The following GRID2 variants were observed in gnomAD, a reference collection of about 807,000 sequenced individuals.
GRID2 encodes glutamate ionotropic receptor delta type subunit 2.
In GRID2, 33 loss-of-function variants were observed where a neutral mutation model predicts 114.8. That is an observed-to-expected ratio of 0.29 (90% CI 0.22 to 0.38). GRID2 has a LOEUF of 0.38. Among genes scored for constraint, GRID2 ranks in the 10% least tolerant of loss-of-function variants. The probability of loss-of-function intolerance (pLI) is 1.00; values close to 1 mark genes in which losing one functional copy is unlikely to be tolerated. For synonymous variants in GRID2, 505 were observed against 449.9 expected (o/e 1.12, Z -1.55); for missense variants, 1,184 against 1,257.7 (o/e 0.94, Z 0.89).
chr4:93,222,766 T>G (rs993796451), intron 6 of GRID2, among the ~76,000 whole-genome samples: 5 of 152,104 alleles, frequency 3.3e-5, no homozygotes, highest in African/African-American at 1.2e-4. Flanking sequence ...GTTTCCAGCT[T>G]CATCCATGTC....
intron 2 of GRID2, among the ~76,000 whole-genome samples, chr4:92,837,369 C>A (rs61074483): frequency 6.6e-6 from 1 of 151,592 alleles, no homozygotes; most frequent in Non-Finnish European, 1.5e-5. Context: ...AACAAGTCTC[C>A]GTGAAACTAT....
At chr4:93,704,415 G>C (rs1727807250) in intron 14 of GRID2, among the ~76,000 whole-genome samples, 1 of 152,024 alleles carries the variant, frequency 6.6e-6, no homozygotes, top group Non-Finnish European at 1.5e-5. Flanking sequence ...CAGATGAGTA[G>C]GTTGCAAAAA....
intron 2 of GRID2, among the ~76,000 whole-genome samples, chr4:92,797,574 C>T (rs927296962): frequency 2.0e-5 from 3 of 151,866 alleles, no homozygotes; most frequent in African/African-American, 7.2e-5. Context: ...GATTTGCATA[C>T]ACTTTTAAGT....
chr4:93,130,505 GA>G (rs1476941013), intron 4 of GRID2, among the ~76,000 whole-genome samples: 11 of 151,992 alleles, frequency 7.2e-5, no homozygotes, highest in African/African-American at 2.7e-4. Flanking sequence ...TACTATGAAA[GA>G]GAAAATTTCA....
chr4:92,653,455 A>G (rs1044320040), intron 2 of GRID2, among the ~76,000 whole-genome samples: 12 of 151,848 alleles, frequency 7.9e-5, no homozygotes, highest in African/African-American at 2.9e-4. Context: ...ATCATGAAAT[A>G]TGGTAAACTT....
intron 13 of GRID2, among the ~76,000 whole-genome samples, chr4:93,536,137 G>C (rs1732045576): frequency 6.6e-6 from 1 of 151,842 alleles, no homozygotes; most frequent in South Asian, 2.1e-4. Flanking sequence ...TACCCAGAGG[G>C]ATCTATAGAT....
chr4:92,410,485 C>T (rs1731247290), intron 1 of GRID2, among the ~76,000 whole-genome samples: 1 of 152,184 alleles, frequency 6.6e-6, no homozygotes, highest in African/African-American at 2.4e-5. Context: ...CCATTCTGTG[C>T]ATTGGCAAGA....
chr4:92,646,715 G>A (rs1731649897), intron 2 of GRID2, among the ~76,000 whole-genome samples: 1 of 152,216 alleles, frequency 6.6e-6, no homozygotes, highest in Non-Finnish European at 1.5e-5. Context: ...TTTTCATGGT[G>A]TCTATTCAAT....
At chr4:93,731,143 A>T (rs1047412818) in intron 14 of GRID2, among the ~76,000 whole-genome samples, 8 of 152,218 alleles carry the variant, frequency 5.3e-5, no homozygotes, top group African/African-American at 1.9e-4. Context: ...TGATTTGTAA[A>T]AAAACTTTGC....
chr4:92,649,732 A>G (rs566971542), intron 2 of GRID2, among the ~76,000 whole-genome samples: 2 of 152,154 alleles, frequency 1.3e-5, no homozygotes, highest in South Asian at 4.1e-4. Flanking sequence ...CCTGCCTGCA[A>G]CCAAAATGGA....
At chr4:93,614,245 G>A (rs1337612810) in intron 13 of GRID2, among the ~76,000 whole-genome samples, 2 of 152,196 alleles carry the variant, frequency 1.3e-5, no homozygotes, top group Non-Finnish European at 2.9e-5. Flanking sequence ...TGGTACCTCA[G>A]ATGGAAATGC....
At chr4:92,958,176 A>G (rs1023051453) in intron 2 of GRID2, among the ~76,000 whole-genome samples, 7 of 152,048 alleles carry the variant, frequency 4.6e-5, no homozygotes, top group African/African-American at 1.7e-4. Context: ...GACTTTCAGT[A>G]AAATCTTGAA....
chr4:92,931,793 A>G (rs1291552778), intron 2 of GRID2, among the ~76,000 whole-genome samples: 1 of 151,218 alleles, frequency 6.6e-6, no homozygotes, highest in Non-Finnish European at 1.5e-5. Flanking sequence ...TCAGCAAAAC[A>G]TAATGAGTAG....
In GRID2 at chr4:93,225,081, G is replaced by A. The variant is rs1875706; in HGVS notation, c.1125+306G>A. Among the ~76,000 whole-genome samples the A allele has an allele frequency of 0.45, 68,883 of 151,870 alleles. 16,904 individuals are homozygous for A. The highest frequency in any genetic ancestry group is 0.66 in the Middle Eastern group (191 of 290). On this transcript the variant is annotated intron_variant, in intron 7 of 15. Coordinates refer to ENST00000282020, the MANE Select transcript of GRID2 (RefSeq NM_001510.4). ...TTGGTGCCTGTCGCAAAATACAAAAGGCTTTTAAAAAAACACACGCCATCC... is the reference window on the plus strand; with the variant it reads ...TTGGTGCCTGTCGCAAAATACAAAAAGCTTTTAAAAAAACACACGCCATCC...
intron 11 of GRID2, among the ~76,000 whole-genome samples, chr4:93,476,119 T>A (rs912644313): frequency 1.3e-5 from 2 of 152,196 alleles, no homozygotes; most frequent in African/African-American, 4.8e-5. Context: ...TAAAGAATCA[T>A]ACTATATTCC....
At chr4:93,183,354 G>T (rs1490997122) in intron 4 of GRID2, among the ~76,000 whole-genome samples, 2 of 152,180 alleles carry the variant, frequency 1.3e-5, no homozygotes, top group East Asian at 3.9e-4. Context: ...TTAAAATAAT[G>T]ATTTTATTAT....
At chr4:92,658,817 A>ATATGTATATATATTG (rs1732379720) in intron 2 of GRID2, among the ~76,000 whole-genome samples, 2 of 77,342 alleles carry the variant, frequency 2.6e-5, no homozygotes, top group Non-Finnish European at 5.7e-5. Flanking sequence ...ATATATATAT[A>ATATGTATATATATTG]TACACACACA....
intron 2 of GRID2, among the ~76,000 whole-genome samples, chr4:92,666,650 G>GTTGTTTTTTT (rs1732792716): frequency 1.5e-5 from 1 of 68,594 alleles, no homozygotes; most frequent in South Asian, 5.6e-4. Context: ...CTTAAGGGTT[G>GTTGTTTTTTT]TTTTTTTTTT....
chr4:92,673,635 A>T (rs1003121758), intron 2 of GRID2, among the ~76,000 whole-genome samples: 4 of 152,144 alleles, frequency 2.6e-5, no homozygotes, highest in African/African-American at 9.7e-5. Flanking sequence ...CTGCATATGA[A>T]ATTCTAAGAC....
Sources: allele counts gnomAD v4.1 joint callset (sites outside exome capture counted in the v4.1 genomes callset), GRCh38; gene constraint gnomAD v4.1.1; transcripts MANE v1.5; gene names NCBI Gene and HGNC (gene_info 2026-07-23, HGNC 2026-07-21).